The following CPNE8 variants were observed in gnomAD, a reference collection of about 807,000 sequenced individuals.
CPNE8 encodes copine-8.
In CPNE8, 45 loss-of-function variants were observed where a neutral mutation model predicts 81.5. The ratio of observed to expected loss-of-function variants is 0.55; its 90% CI spans 0.44 to 0.71. The LOEUF (loss-of-function observed/expected upper bound fraction) is 0.71, where lower values mean the gene tolerates loss of function less well. CPNE8 is among the 30% of genes least tolerant of loss of function. The pLI, the probability that CPNE8 is intolerant of heterozygous loss-of-function variation, is 0.00. For missense variants in CPNE8, 594 were observed against 672.1 expected (o/e 0.88, Z 1.28); for synonymous variants, 252 against 226.3 (o/e 1.11, Z -1.02).
chr12:38,736,744 A>G (rs1940963411), intron 10 of CPNE8, among the ~76,000 whole-genome samples: 2 of 152,068 alleles, frequency 1.3e-5, no homozygotes, highest in Admixed American at 1.3e-4. Context: ...TGCCTACACA[A>G]ATAGAAAGCA....
chr12:38,759,494 A>C (rs1221576746), intron 10 of CPNE8, among the ~76,000 whole-genome samples: 1 of 152,238 alleles, frequency 6.6e-6, no homozygotes, highest in Admixed American at 6.5e-5. Flanking sequence ...ATAGAACTAA[A>C]TAATACATTA....
At chr12:38,796,182 G>C (rs984861591) in intron 6 of CPNE8, among the ~76,000 whole-genome samples, 14 of 152,094 alleles carry the variant, frequency 9.2e-5, no homozygotes, top group Non-Finnish European at 1.6e-4. Flanking sequence ...AGCTACTTGG[G>C]AGGCTAAGGC....
intron 1 of CPNE8, among the ~76,000 whole-genome samples, chr12:38,875,633 AGT>A (rs1291315151): frequency 6.6e-6 from 1 of 152,196 alleles, no homozygotes; most frequent in Non-Finnish European, 1.5e-5. Context: ...GGTTCTCAAA[AGT>A]GATTGCCGCC....
chr12:38,702,997 AT>A, intron 13 of CPNE8, 76 bp from the exon 14 acceptor site: 6 of 1,013,544 alleles, frequency 5.9e-6, no homozygotes, highest in Middle Eastern at 2.2e-4. Context: ...TTTCGGTTAT[AT>A]TTTTTAATGT....
At chr12:38,718,383 CAGG>C (rs1940462607) in intron 13 of CPNE8, among the ~76,000 whole-genome samples, 1 of 152,092 alleles carries the variant, frequency 6.6e-6, no homozygotes, top group Non-Finnish European at 1.5e-5. Context: ...GGGGAAGAAG[CAGG>C]AGAAGACAAA....
At chr12:38,752,662 TATC>T (rs1941376042) in intron 10 of CPNE8, among the ~76,000 whole-genome samples, 1 of 152,172 alleles carries the variant, frequency 6.6e-6, no homozygotes, top group Middle Eastern at 3.2e-3. Context: ...CAGCATCAAA[TATC>T]AAGAAATATG....
At chr12:38,794,218 G>A (rs1942399507) in intron 6 of CPNE8, among the ~76,000 whole-genome samples, 1 of 152,102 alleles carries the variant, frequency 6.6e-6, no homozygotes. Flanking sequence ...TTAAGTTTAA[G>A]AACTTTTGTG....
intron 19 of CPNE8, among the ~76,000 whole-genome samples, chr12:38,655,061 T>A (rs1396087292): frequency 6.6e-6 from 1 of 152,126 alleles, no homozygotes; most frequent in African/African-American, 2.4e-5. Flanking sequence ...TGGCATAAGA[T>A]TTGGGTATAT....
At chr12:38,723,604 C>T (rs1230258994) in intron 13 of CPNE8, among the ~76,000 whole-genome samples, 168 bp downstream of exon 13, 1 of 152,140 alleles carries the variant, frequency 6.6e-6, no homozygotes, top group Non-Finnish European at 1.5e-5. Flanking sequence ...AAAGTAATAG[C>T]TCTAGGTATG....
intron 6 of CPNE8, among the ~76,000 whole-genome samples, chr12:38,827,704 C>T (rs896987203): frequency 6.6e-6 from 1 of 152,130 alleles, no homozygotes; most frequent in African/African-American, 2.4e-5. Context: ...TTATCCTAAG[C>T]AAATTGACAC....
intron 16 of CPNE8, among the ~76,000 whole-genome samples, chr12:38,680,063 A>T (rs1479824184): frequency 6.6e-6 from 1 of 151,906 alleles, no homozygotes; most frequent in African/African-American, 2.4e-5. Flanking sequence ...TAGCCTATCT[A>T]TAATTTATAT....
At chr12:38,740,097 A>G (rs1336904584) in intron 10 of CPNE8, among the ~76,000 whole-genome samples, 1 of 152,212 alleles carries the variant, frequency 6.6e-6, no homozygotes, top group African/African-American at 2.4e-5. Flanking sequence ...AATTCATTTT[A>G]AAACATAAAT....
chr12:38,753,902 C>T (rs547417172), intron 10 of CPNE8, among the ~76,000 whole-genome samples: 53 of 152,244 alleles, frequency 3.5e-4, no homozygotes, highest in Admixed American at 1.0e-3. Flanking sequence ...GAGTTCCGTA[C>T]TATTCATGGT....
chr12:38,738,653 T>G (rs978189841), intron 10 of CPNE8, among the ~76,000 whole-genome samples: 6 of 152,166 alleles, frequency 3.9e-5, no homozygotes, highest in African/African-American at 1.4e-4. Context: ...TCTTTCAGAT[T>G]TGAAAGAATT....
intron 6 of CPNE8, among the ~76,000 whole-genome samples, chr12:38,803,554 C>T (rs1218251450): frequency 2.2e-5 from 3 of 135,288 alleles, no homozygotes; most frequent in East Asian, 2.4e-4. Context: ...CAATATCATA[C>T]TGAATGGGCA....
intron 13 of CPNE8, among the ~76,000 whole-genome samples, chr12:38,710,275 A>AAAAC (rs1348569405): frequency 1.1e-4 from 16 of 148,302 alleles, no homozygotes; most frequent in Non-Finnish European, 2.1e-4. Flanking sequence ...TAACAAAAAA[A>AAAAC]AAAAAAAAAA....
chr12:38,892,177 G>A (rs1230653348), intron 1 of CPNE8, among the ~76,000 whole-genome samples: 1 of 152,202 alleles, frequency 6.6e-6, no homozygotes, highest in Non-Finnish European at 1.5e-5. Context: ...AGAAAGGGAA[G>A]ACACAAAGGA....
At chr12:38,799,133 A>C (rs1942587332) in intron 6 of CPNE8, among the ~76,000 whole-genome samples, 1 of 152,202 alleles carries the variant, frequency 6.6e-6, no homozygotes, top group Non-Finnish European at 1.5e-5. Flanking sequence ...AACATTAGAC[A>C]GATCAACGAG....
chr12:38,878,093 T>A (rs1350636474), intron 1 of CPNE8, among the ~76,000 whole-genome samples: 1 of 152,158 alleles, frequency 6.6e-6, no homozygotes, highest in Non-Finnish European at 1.5e-5. Flanking sequence ...GTACCCTATA[T>A]GTTCTAAAAA....
Sources: gnomAD v4.1 joint callset for allele counts (sites outside exome capture counted in the v4.1 genomes callset) on GRCh38, gnomAD v4.1.1 for gene constraint, MANE v1.5 for transcripts, NCBI Gene and HGNC (gene_info 2026-07-23, HGNC 2026-07-21) for gene names.